The following ZNF385D variants were observed in gnomAD, a reference collection of about 807,000 sequenced individuals.
ZNF385D encodes zinc finger protein 385D.
In ZNF385D, 15 loss-of-function variants were observed where a neutral mutation model predicts 35.8. The observed-to-expected ratio is 0.42, with a 90% confidence interval of 0.28 to 0.64. The LOEUF is 0.64. Among genes scored for constraint, ZNF385D ranks in the 30% least tolerant of loss-of-function variants. The probability of loss-of-function intolerance (pLI) is 0.23; values close to 1 mark genes in which losing one functional copy is unlikely to be tolerated. For synonymous variants in ZNF385D, 212 were observed against 186.8 expected (o/e 1.13, Z -1.10); for missense variants, 474 against 494.6 (o/e 0.96, Z 0.39).
rs375982516 is a variant in ZNF385D, at chr3:22,063,389, CAG to C, written c.325+105426_325+105427del. On this transcript the variant is annotated intron_variant, in intron 3 of 5. Transcript: ENST00000494108. The stretch of plus-strand genomic sequence containing the variant: ...TATTAATAAAAATTGAATAAAGCCT[CAG>C]AGTTACAGAGAGCCTAGTTTCTAAA... 2.0e-3 allele frequency among the ~76,000 whole-genome samples: 299 copies of C among 152,176 alleles called. 1 individual carries two copies. Among genetic ancestry groups the C allele is most frequent in the African/African-American group, 6.6e-3 (274 of 41,532 alleles).
chr3:22,276,099 G>T (rs1036349779), intron 2 of ZNF385D, among the ~76,000 whole-genome samples: 4 of 151,682 alleles, frequency 2.6e-5, no homozygotes, highest in African/African-American at 9.7e-5. Flanking sequence ...AATAAATAAA[G>T]AATCATGAGA....
At chr3:22,141,865 T>C (rs913242867) in intron 3 of ZNF385D, among the ~76,000 whole-genome samples, 1 of 152,216 alleles carries the variant, frequency 6.6e-6, no homozygotes, top group African/African-American at 2.4e-5. Flanking sequence ...ATTAGCAAAG[T>C]TCAGTGATCT....
At chr3:21,959,886 C>T (rs993043562) in intron 3 of ZNF385D, among the ~76,000 whole-genome samples, 4 of 151,958 alleles carry the variant, frequency 2.6e-5, no homozygotes, top group African/African-American at 9.6e-5. Flanking sequence ...GGCAACAAAA[C>T]TCAACTCAAA....
At chr3:21,996,455 A>T (rs537317604) in intron 3 of ZNF385D, among the ~76,000 whole-genome samples, 1 of 152,110 alleles carries the variant, frequency 6.6e-6, no homozygotes, top group South Asian at 2.1e-4. Context: ...ATCTATCCAA[A>T]GTGTGGTTAT....
intron 3 of ZNF385D, among the ~76,000 whole-genome samples, chr3:21,771,802 T>A (rs1219006976): frequency 1.3e-5 from 2 of 151,764 alleles, no homozygotes; most frequent in Non-Finnish European, 2.9e-5. Flanking sequence ...ATAACAAAGA[T>A]GGAGGACTCA....
chr3:21,424,265 A>G (rs1261687550), intron 6 of ZNF385D, among the ~76,000 whole-genome samples: 1 of 139,438 alleles, frequency 7.2e-6, no homozygotes, highest in African/African-American at 2.6e-5. Context: ...ATATATTCAT[A>G]TATATACTAT....
chr3:21,660,905 A>G (rs1177827942), intron 2 of ZNF385D, among the ~76,000 whole-genome samples: 1 of 152,194 alleles, frequency 6.6e-6, no homozygotes, highest in East Asian at 1.9e-4. Context: ...TCATTCTATC[A>G]CTGGCATCTC....
At chr3:22,302,697 C>G (rs1386381822) in intron 2 of ZNF385D, among the ~76,000 whole-genome samples, 1 of 151,890 alleles carries the variant, frequency 6.6e-6, no homozygotes, top group South Asian at 2.1e-4. Context: ...AAGATAACTA[C>G]CATTTTAGAT....
intron 2 of ZNF385D, among the ~76,000 whole-genome samples, chr3:22,320,311 G>A (rs1329461354): frequency 6.6e-6 from 1 of 152,018 alleles, no homozygotes; most frequent in Non-Finnish European, 1.5e-5. Flanking sequence ...CTAGTAAGGG[G>A]AAAGACAAAT....
At chr3:22,346,363 A>G (rs189310395) in intron 2 of ZNF385D, among the ~76,000 whole-genome samples, 18 of 152,354 alleles carry the variant, frequency 1.2e-4, no homozygotes, top group African/African-American at 4.3e-4. Context: ...GAAGCACTGT[A>G]CTGGGATATC....
chr3:22,011,083 C>T (rs1035436028), intron 3 of ZNF385D, among the ~76,000 whole-genome samples: 1 of 152,118 alleles, frequency 6.6e-6, no homozygotes. Flanking sequence ...GTTAATGAAT[C>T]ATCCCCAAAT....
intron 2 of ZNF385D, among the ~76,000 whole-genome samples, chr3:21,628,727 G>A (rs3911499): frequency 0.54 from 82,492 of 151,790 alleles, 23,073 homozygotes; most frequent in South Asian, 0.62. Flanking sequence ...TCTAGGAAGG[G>A]GCCAGGGAAT....
At chr3:21,951,330 T>C (rs1023588783) in intron 3 of ZNF385D, among the ~76,000 whole-genome samples, 21 of 151,730 alleles carry the variant, frequency 1.4e-4, no homozygotes, top group African/African-American at 5.1e-4. Flanking sequence ...AGTTCTCTCA[T>C]GATTTGGCTA....
At chr3:21,833,778 G>A (rs1403860068) in intron 3 of ZNF385D, among the ~76,000 whole-genome samples, 1 of 152,016 alleles carries the variant, frequency 6.6e-6, no homozygotes, top group African/African-American at 2.4e-5. Flanking sequence ...AATCTCCCTG[G>A]CTCATTTTAT....
At chr3:21,979,898 C>T (rs946338950) in intron 3 of ZNF385D, 1 of 152,138 alleles carries the variant, frequency 6.6e-6, no homozygotes, top group African/African-American at 2.4e-5. Flanking sequence ...CTTAAAATTC[C>T]TTGATACTCC....
intron 1 of ZNF385D, among the ~76,000 whole-genome samples, chr3:21,684,410 TCTCTCTCTCTCTCTCTCTCTC>T (rs2067034516): frequency 1.3e-5 from 1 of 76,116 alleles, no homozygotes; most frequent in Admixed American, 1.6e-4. Context: ...CTCTCCTCTC[TCTCTCTCTCTCTCTCTCTCTC>T]CTCTCTCTCT....
intron 3 of ZNF385D, among the ~76,000 whole-genome samples, chr3:21,904,528 T>G (rs1270090712): frequency 2.0e-5 from 3 of 152,124 alleles, no homozygotes; most frequent in Non-Finnish European, 2.9e-5. Context: ...TTTGATTACG[T>G]TGAGTTGGCA....
intron 5 of ZNF385D, among the ~76,000 whole-genome samples, chr3:21,430,413 G>A (rs574776746): frequency 2.0e-5 from 3 of 152,164 alleles, no homozygotes; most frequent in Non-Finnish European, 2.9e-5. Context: ...TGGTCCTGGA[G>A]GGAAAGCTCT....
At chr3:22,025,542 A>G (rs1697485952) in intron 3 of ZNF385D, among the ~76,000 whole-genome samples, 1 of 152,174 alleles carries the variant, frequency 6.6e-6, no homozygotes, top group East Asian at 1.9e-4. Context: ...GGGTGAATTT[A>G]TCGATTTGGG....
Sources: allele counts gnomAD v4.1 joint callset (sites outside exome capture counted in the v4.1 genomes callset), GRCh38; gene constraint gnomAD v4.1.1; transcripts MANE v1.5; gene names NCBI Gene and HGNC (gene_info 2026-07-23, HGNC 2026-07-21).